Variants in RPP30 observed in about 807,000 individuals in gnomAD.
RPP30 encodes the protein ribonuclease P protein subunit p30.
RPP30 carries 36 observed loss-of-function variants against 38.6 expected under a neutral mutation model. That is an observed-to-expected ratio of 0.93 (90% CI 0.71 to 1.23). The LOEUF is 1.23. Ranked by LOEUF, RPP30 falls within the 50% of genes most tolerant of loss-of-function variation. RPP30 has a pLI of 0.00. For synonymous variants in RPP30, 126 were observed against 112.7 expected, an observed-to-expected ratio of 1.12 and a Z score of -0.75; for missense variants, 321 against 321.7, an observed-to-expected ratio of 1.00 and a Z score of 0.02.
In RPP30 at chr10:90,901,424, A is replaced by T; in HGVS notation, c.*745A>T. The T allele has an allele frequency of 1.0e-6, 1 of 985,192 alleles. No homozygotes were observed. Among genetic ancestry groups the T allele is most frequent in the Non-Finnish European group, 1.2e-6 (1 of 829,680 alleles). The allele number at this position is 985,192 out of a possible 1,614,324, so 61.0% of individuals were successfully genotyped here. On this transcript the variant is annotated 3_prime_UTR_variant, in exon 11 of 11. Coordinates refer to ENST00000371703, the MANE Select transcript of RPP30 (RefSeq NM_006413.5). ...TAAGCTTCTTTCATGTATTCAAATC[A>T]GCATTTTTTTCTAAGAAATTGCTAT...
At chr10:90,903,168 T>G, downstream of RPP30, 1 of 1,349,612 alleles carries the variant, frequency 7.4e-7, no homozygotes, top group East Asian at 2.3e-5. Context: ...TTCACTAATG[T>G]CAAGTTCCTT....
rs1057483086 is a variant in RPP30, at chr10:90,879,275, A to G, written c.342+141A>G. The G allele has an allele frequency of 1.1e-4, 70 of 630,388 alleles. No individual in the cohort carries two copies. The South Asian group carries it at 1.1e-3, about 10-fold the overall frequency. The allele number at this position is 630,388 out of a possible 1,614,324, so 39.0% of individuals were successfully genotyped here. Reference sequence around the variant, plus strand: ...TTATACTTGGAGTTTCTAGAACCCCATAAGGGTATATATAACTGGTATTTG... The same window carrying G: ...TTATACTTGGAGTTTCTAGAACCCCGTAAGGGTATATATAACTGGTATTTG... On this transcript the variant is annotated intron_variant, in intron 5 of 10. Transcript: ENST00000371703.
intron 10 of RPP30, among the ~76,000 whole-genome samples, chr10:90,899,623 A>G (rs1434003876): frequency 6.6e-6 from 1 of 152,108 alleles, no homozygotes; most frequent in African/African-American, 2.4e-5. Flanking sequence ...CACATCAGCC[A>G]TATTGTCCCC....
In RPP30 at chr10:90,872,053, G is replaced by T; in HGVS notation, c.67G>T (p.Glu23Ter). The T allele has an allele frequency of 6.2e-7, 1 of 1,614,162 alleles. No individual in the cohort carries two copies. Among genetic ancestry groups the T allele is most frequent in the South Asian group, 1.1e-5 (1 of 91,080 alleles). ...CCTGAAGGCTCTGCGCGGACTTGTG[G>T]AGACAGCCGCTCACCGTGAGTTGCC... The part of the protein sequence containing the change: ...SDLKALRGLV[E>*]TAAHLGYSVV... The change falls in exon 1 of 11, where the codon GAG becomes TAG. Residue 23 changes from glutamate to a stop codon, truncating the protein, a stop_gained. Transcript: ENST00000371703. LOFTEE classifies it high-confidence loss of function.
At chr10:90,887,560 T>A (rs2120207850) in intron 6 of RPP30, among the ~76,000 whole-genome samples, 1 of 151,974 alleles carries the variant, frequency 6.6e-6, no homozygotes, top group South Asian at 2.1e-4. Context: ...TTTTTGTATT[T>A]CTTTTTAGTA....
chr10:90,878,230 C>T (rs1200291608), intron 4 of RPP30, among the ~76,000 whole-genome samples: 1 of 152,186 alleles, frequency 6.6e-6, no homozygotes, highest in East Asian at 1.9e-4. Context: ...TGCCTCAGCA[C>T]AAGTCTGCCT....
intron 4 of RPP30, among the ~76,000 whole-genome samples, chr10:90,876,731 T>C (rs1364960965): frequency 1.3e-5 from 2 of 152,098 alleles, no homozygotes; most frequent in Non-Finnish European, 2.9e-5. Context: ...AGATATAAAT[T>C]TGGGTGAGGA....
chr10:90,894,739 G>T, intron 6 of RPP30, 36 bp from the exon 7 acceptor site: 2 of 1,455,622 alleles, frequency 1.4e-6, no homozygotes, highest in Non-Finnish European at 1.9e-6. Flanking sequence ...GCCAGTGCAT[G>T]CTTATCTCTG....
intron 8 of RPP30, 119 bp downstream of exon 8, chr10:90,895,602 AT>A: frequency 1.6e-6 from 1 of 621,520 alleles, no homozygotes. Flanking sequence ...TTTTAACTGC[AT>A]TTGCTCATTG....
At chr10:90,877,286 A>G (rs372420310) in intron 4 of RPP30, among the ~76,000 whole-genome samples, 12 of 152,206 alleles carry the variant, frequency 7.9e-5, no homozygotes, top group African/African-American at 2.9e-4. Context: ...TAGCCTGCGC[A>G]ACAGAGCCAG....
At position 90,878,322 on chromosome 10, in the gene RPP30, A is replaced by G. The variant is rs151243064; in HGVS notation, c.271-741A>G. Among the ~76,000 whole-genome samples the G allele has an allele frequency of 4.9e-3, 745 of 152,180 alleles. 4 individuals carry two copies. Among genetic ancestry groups the G allele is most frequent in the African/African-American group, 0.016 (645 of 41,514 alleles). ...AACTTTTATTATACTTTTTCTTTTTACAAAATAAGAGATTGCAAAATTTTA... is the reference window on the plus strand; with the variant it reads ...AACTTTTATTATACTTTTTCTTTTTGCAAAATAAGAGATTGCAAAATTTTA... On this transcript the variant is annotated intron_variant, in intron 4 of 10. Coordinates refer to ENST00000371703, the MANE Select transcript of RPP30 (RefSeq NM_006413.5).
downstream of RPP30, among the ~76,000 whole-genome samples, chr10:90,906,548 G>A (rs1168539230): frequency 6.6e-6 from 1 of 152,202 alleles, no homozygotes; most frequent in Non-Finnish European, 1.5e-5. Context: ...TGAAAGAGGA[G>A]AGTGAGTTGA....
intron 5 of RPP30, among the ~76,000 whole-genome samples, chr10:90,884,161 T>A (rs1406920955): frequency 6.6e-6 from 1 of 152,212 alleles, no homozygotes; most frequent in Non-Finnish European, 1.5e-5. Context: ...TTGCAATGAC[T>A]GTCATTGTAC....
At chr10:90,890,242 A>G (rs770407182) in intron 6 of RPP30, among the ~76,000 whole-genome samples, 2 of 152,228 alleles carry the variant, frequency 1.3e-5, no homozygotes, top group Non-Finnish European at 2.9e-5. Context: ...GAGTAATTTC[A>G]TATTTTAAAA....
Position 90,901,619 on chromosome 10 carries a change from T to A in RPP30, c.*940T>A. 2 of 985,152 alleles carry A rather than the reference T, an allele frequency of 2.0e-6. No individual in the cohort carries two copies. The highest frequency in any genetic ancestry group is 2.4e-6 in the Non-Finnish European group (2 of 829,720). The allele number at this position is 985,152 out of a possible 1,614,324, so 61.0% of individuals were successfully genotyped here. A position where few individuals can be genotyped will look rare whatever the true frequency, so the allele number is the denominator to read the frequency against. The stretch of plus-strand genomic sequence containing the variant: ...TAGCTGTATTAAAAATAGCAAAGCA[T>A]CGGACTGAACCAACTTTGGAAATAA... On this transcript the variant is annotated 3_prime_UTR_variant, in exon 11 of 11. Coordinates refer to ENST00000371703, the MANE Select transcript of RPP30 (RefSeq NM_006413.5).
intron 8 of RPP30, 184 bp downstream of exon 8, chr10:90,895,667 T>C (rs1055033009): frequency 4.1e-6 from 2 of 490,524 alleles, no homozygotes; most frequent in Admixed American, 8.2e-5. Flanking sequence ...CAACTTTTGT[T>C]TATATAATCA....
intron 5 of RPP30, among the ~76,000 whole-genome samples, chr10:90,880,505 A>G (rs1326709005): frequency 6.6e-6 from 1 of 152,126 alleles, no homozygotes; most frequent in East Asian, 1.9e-4. Flanking sequence ...AGGCAGGTGG[A>G]TCACTTGAGG....
At chr10:90,895,353 T>G (rs1847127953) in intron 7 of RPP30, 101 bp from the exon 8 acceptor site, 2 of 690,776 alleles carry the variant, frequency 2.9e-6, no homozygotes, top group Admixed American at 5.7e-5. Context: ...AGTTGGTATT[T>G]GAGCCTTAAA....
At chr10:90,894,944 T>A (rs755775667) in intron 7 of RPP30, 53 bp downstream of exon 7, 2 of 1,171,102 alleles carry the variant, frequency 1.7e-6, no homozygotes, top group Non-Finnish European at 2.6e-6. Flanking sequence ...TTATTATTAG[T>A]AGTACACTGG....
Sources: gnomAD v4.1 joint callset for allele counts (sites outside exome capture counted in the v4.1 genomes callset) on GRCh38, gnomAD v4.1.1 for gene constraint, MANE v1.5 for transcripts, NCBI Gene and HGNC (gene_info 2026-07-23, HGNC 2026-07-21) for gene names.